COL13A1: variants seen among roughly 807,000 people sequenced by gnomAD.
COL13A1 encodes the protein collagen alpha-1(XIII) chain.
A neutral mutation model predicts 130.9 loss-of-function variants in COL13A1; 89 were observed. The observed-to-expected ratio is 0.68, with a 90% confidence interval of 0.57 to 0.81. The LOEUF is 0.81. Among genes scored for constraint, COL13A1 ranks in the 30% least tolerant of loss-of-function variants. COL13A1 has a pLI of 0.00. For synonymous variants in COL13A1, 402 were observed against 341.6 expected (o/e 1.18, Z -1.95); for missense variants, 879 against 934.6 (o/e 0.94, Z 0.78).
In COL13A1 at chr10:69,802,124, A is replaced by G. The variant is rs1589091748; in HGVS notation, c.-300A>G. The G allele has an allele frequency of 2.9e-6, 1 of 349,870 alleles. No individual in the cohort carries two copies. The highest frequency in any genetic ancestry group is 5.1e-6 in the Non-Finnish European group (1 of 196,642). 21.7% of individuals were successfully genotyped at this position (349,870 alleles called of 1,614,324 possible). On this transcript the variant is annotated 5_prime_UTR_variant, in exon 1 of 41. Coordinates refer to ENST00000645393, the MANE Select transcript of COL13A1 (RefSeq NM_001368882.1). ...GCTCTGCAGACACTTGAAGGGAAAGACTGGGCGGAGAGAAGGAGAGCCGGT... is the reference window on the plus strand; with the variant it reads ...GCTCTGCAGACACTTGAAGGGAAAGGCTGGGCGGAGAGAAGGAGAGCCGGT...
intron 2 of COL13A1, among the ~76,000 whole-genome samples, chr10:69,838,560 C>T (rs527772739): frequency 6.6e-6 from 1 of 152,194 alleles, no homozygotes; most frequent in Admixed American, 6.5e-5. Context: ...CTCTCCTGAA[C>T]CGCAGGCCAG....
intron 34 of COL13A1, among the ~76,000 whole-genome samples, chr10:69,938,721 C>T (rs776365001): frequency 3.9e-5 from 6 of 152,170 alleles, no homozygotes; most frequent in African/African-American, 9.7e-5. Flanking sequence ...TCACAGCAAC[C>T]AAACAGCAAA....
chr10:69,820,881 C>A (rs1049720343), intron 1 of COL13A1, among the ~76,000 whole-genome samples: 1 of 152,280 alleles, frequency 6.6e-6, no homozygotes, highest in South Asian at 2.1e-4. Flanking sequence ...GGCTGTGTGA[C>A]CCTCAGCAAA....
intron 4 of COL13A1, among the ~76,000 whole-genome samples, chr10:69,873,599 T>C (rs564288068): frequency 6.6e-6 from 1 of 152,264 alleles, no homozygotes; most frequent in East Asian, 1.9e-4. Context: ...GCAAAGAGCA[T>C]TAGTTTTAAA....
chr10:69,869,363 G>T (rs1433796822), intron 3 of COL13A1, among the ~76,000 whole-genome samples: 1 of 152,232 alleles, frequency 6.6e-6, no homozygotes, highest in African/African-American at 2.4e-5. Flanking sequence ...AAGGCAGGAG[G>T]AGGAGGAAAT....
At position 69,802,098 on chromosome 10, in the gene COL13A1, T is replaced by C. The variant is rs965445791; in HGVS notation, c.-326T>C. The C allele has an allele frequency of 7.7e-6, 2 of 261,436 alleles. No individual in the cohort carries two copies. Among genetic ancestry groups the C allele is most frequent in the Non-Finnish European group, 7.1e-6 (1 of 140,648 alleles). The allele number at this position is 261,436 out of a possible 1,614,324, so 16.2% of individuals were successfully genotyped here. A position where few individuals can be genotyped will look rare whatever the true frequency, so the allele number is the denominator to read the frequency against. On this transcript the variant is annotated 5_prime_UTR_variant, in exon 1 of 41. Transcript: ENST00000645393. ...GAAGGACTGACAGCGCGGCACCAAC[T>C]GCTCTGCAGACACTTGAAGGGAAAG...
In COL13A1 at chr10:69,927,068, C is replaced by T; in HGVS notation, c.1399-19C>T. 6.2e-7 allele frequency: 1 copy of T among 1,613,768 alleles called. No individual in the cohort carries two copies. ...TCTTGGTTTGCTCTTCAACTGATTG[C>T]CTGGTGTTGGTTTTTTAGGAGATCC... On this transcript the variant is annotated intron_variant, in intron 26 of 40. Transcript: ENST00000645393.
At chr10:69,813,673 C>A (rs1463599921) in intron 1 of COL13A1, among the ~76,000 whole-genome samples, 1 of 152,218 alleles carries the variant, frequency 6.6e-6, no homozygotes, top group Non-Finnish European at 1.5e-5. Flanking sequence ...CCTGCAGCAG[C>A]CCATGCAAGT....
At chr10:69,944,627 C>G (rs563264464) in intron 36 of COL13A1, among the ~76,000 whole-genome samples, 4 of 149,168 alleles carry the variant, frequency 2.7e-5, no homozygotes, top group Admixed American at 6.7e-5. Context: ...TTACTGCACT[C>G]CAGCCTAGGA....
chr10:69,901,849 C>T (rs1369924720), intron 14 of COL13A1, among the ~76,000 whole-genome samples: 2 of 152,186 alleles, frequency 1.3e-5, no homozygotes, highest in Non-Finnish European at 2.9e-5. Context: ...CGTGGACAGG[C>T]ATGGTGGGAA....
At chr10:69,930,014 A>C in intron 28 of COL13A1, 29 bp from the exon 29 acceptor site, 1 of 1,610,522 alleles carries the variant, frequency 6.2e-7, no homozygotes, top group Non-Finnish European at 8.5e-7. Context: ...CTCTGCCCTG[A>C]GAGTCACCTT....
At chr10:69,889,923 A>G (rs1446296382) in intron 10 of COL13A1, among the ~76,000 whole-genome samples, 1 of 152,118 alleles carries the variant, frequency 6.6e-6, no homozygotes, top group Non-Finnish European at 1.5e-5. Context: ...CCAGTGGATC[A>G]TCTCAGCTGG....
chr10:69,886,833 A>G (rs1251323047), intron 7 of COL13A1, among the ~76,000 whole-genome samples: 1 of 152,140 alleles, frequency 6.6e-6, no homozygotes, highest in Non-Finnish European at 1.5e-5. Flanking sequence ...CTCCGTCCTA[A>G]ATATTTATTT....
chr10:69,829,568 G>C (rs186161653), intron 2 of COL13A1, among the ~76,000 whole-genome samples: 3 of 152,318 alleles, frequency 2.0e-5, no homozygotes, highest in African/African-American at 7.2e-5. Flanking sequence ...TGGACTCTTG[G>C]CTCCAAACGA....
At chr10:69,908,881 A>C (rs1565026017) in intron 17 of COL13A1, among the ~76,000 whole-genome samples, 1 of 152,316 alleles carries the variant, frequency 6.6e-6, no homozygotes, top group East Asian at 1.9e-4. Flanking sequence ...GCCAATGAAT[A>C]AACTCTACAA....
chr10:69,874,998 C>A, intron 4 of COL13A1, 130 bp from the exon 5 acceptor site: 1 of 1,026,588 alleles, frequency 9.7e-7, no homozygotes, highest in Non-Finnish European at 1.5e-6. Flanking sequence ...GGGCATCATA[C>A]GGGATGTCGT....
intron 7 of COL13A1, among the ~76,000 whole-genome samples, chr10:69,880,878 G>T (rs866882625): frequency 2.1e-4 from 32 of 152,230 alleles, no homozygotes; most frequent in Non-Finnish European, 7.3e-5. Context: ...CGGATGGGGT[G>T]ATCCGGCTTT....
intron 5 of COL13A1, chr10:69,877,653 G>GTTTT: frequency 5.4e-6 from 1 of 186,444 alleles, no homozygotes; most frequent in South Asian, 1.3e-4. Context: ...CCATTGTCTG[G>GTTTT]CTTTCTCTCT....
chr10:69,952,911 G>T lies in COL13A1; in HGVS notation c.2088G>T (p.Gly696=). The T allele has an allele frequency of 6.4e-7, 1 of 1,558,942 alleles. No individual in the cohort carries two copies. Among genetic ancestry groups the T allele is most frequent in the Non-Finnish European group, 8.6e-7 (1 of 1,160,684 alleles). The change falls in exon 39 of 41, where the codon GGG becomes GGT. Residue 696 remains glycine (G), a synonymous_variant. Coordinates refer to ENST00000645393, the MANE Select transcript of COL13A1 (RefSeq NM_001368882.1). Reference sequence around the variant, plus strand: ...AGAGGGGGAAGAAAGGCTCTAGAGGGCCTAAAGGGGATAAGGGAGACCAAG... The same window carrying T: ...AGAGGGGGAAGAAAGGCTCTAGAGGTCCTAAAGGGGATAAGGGAGACCAAG... ...RGERGKKGSR[G]PKGDKGDQGA...
Sources: gnomAD v4.1 joint callset for allele counts (sites outside exome capture counted in the v4.1 genomes callset) on GRCh38, gnomAD v4.1.1 for gene constraint, MANE v1.5 for transcripts, NCBI Gene and HGNC (gene_info 2026-07-23, HGNC 2026-07-21) for gene names.